Variants in CACNA2D3 observed in about 807,000 individuals in gnomAD.
The protein encoded by CACNA2D3 is voltage-dependent calcium channel subunit alpha-2/delta-3.
A neutral mutation model predicts 160.6 loss-of-function variants in CACNA2D3; 60 were observed. That is an observed-to-expected ratio of 0.37 (90% CI 0.30 to 0.46). The LOEUF is 0.46. Among genes scored for constraint, CACNA2D3 ranks in the 20% least tolerant of loss-of-function variants. The pLI is 1.00. For missense variants in CACNA2D3, 1,205 were observed against 1,365.0 expected (o/e 0.88, Z 1.85); for synonymous variants, 558 against 492.9 (o/e 1.13, Z -1.75).
intron 11 of CACNA2D3, among the ~76,000 whole-genome samples, chr3:54,697,483 TC>T (rs749789032): frequency 2.6e-5 from 4 of 152,138 alleles, no homozygotes; most frequent in Non-Finnish European, 4.4e-5. Flanking sequence ...TCCTACAGTT[TC>T]CAAGGACAAG....
intron 11 of CACNA2D3, among the ~76,000 whole-genome samples, chr3:54,693,174 A>G (rs1359584188): frequency 3.3e-5 from 5 of 152,238 alleles, no homozygotes; most frequent in Non-Finnish European, 7.3e-5. Flanking sequence ...CATCTCATAG[A>G]AAAATGGGCA....
At chr3:54,799,702 C>T (rs553741318) in intron 13 of CACNA2D3, among the ~76,000 whole-genome samples, 4 of 152,304 alleles carry the variant, frequency 2.6e-5, no homozygotes, top group South Asian at 2.1e-4. Flanking sequence ...GCTCCCATCT[C>T]CCCTGGTGAG....
rs899462998 is a variant in CACNA2D3, at chr3:55,004,912, CT to C, written c.2766+77del. The C allele has an allele frequency of 3.7e-5, 37 of 997,164 alleles. No homozygotes were observed. In the African/African-American group the frequency reaches 5.9e-4, roughly 16 times the overall value. 61.8% of individuals were successfully genotyped at this position (997,164 alleles called of 1,614,324 possible). A position where few individuals can be genotyped will look rare whatever the true frequency, so the allele number is the denominator to read the frequency against. On this transcript the variant is annotated intron_variant, in intron 32 of 37. Transcript: ENST00000474759. ...CTCCCTGTCTGAGTGTTATCTTCCT[CT>C]TTGGAGTAATCAAGTTTATCTTTTT... is the stretch of plus-strand genomic sequence containing the variant.
In CACNA2D3 at chr3:54,850,265, CG is replaced by C. The variant is rs908337480; in HGVS notation, c.1626+3804del. Among the ~76,000 whole-genome samples the C allele has an allele frequency of 2.4e-4, 36 of 151,986 alleles. 1 individual carries two copies. The highest frequency in any genetic ancestry group is 6.6e-4 in the Admixed American group (10 of 15,246). The stretch of plus-strand genomic sequence containing the variant: ...CTGATGAAGTAATCTTCAAAGGGGC[CG>C]GGGGGCTGCAGCACAAGTGGGGACA... On this transcript the variant is annotated intron_variant, in intron 17 of 37. Coordinates refer to ENST00000474759, the MANE Select transcript of CACNA2D3 (RefSeq NM_018398.3).
intron 4 of CACNA2D3, among the ~76,000 whole-genome samples, chr3:54,477,777 C>T (rs774534666): frequency 6.6e-6 from 1 of 152,178 alleles, no homozygotes; most frequent in Non-Finnish European, 1.5e-5. Context: ...TTTTGGACTT[C>T]ACATTTGACC....
At chr3:54,997,076 A>T (rs1438796802) in intron 31 of CACNA2D3, among the ~76,000 whole-genome samples, 1 of 152,148 alleles carries the variant, frequency 6.6e-6, no homozygotes, top group African/African-American at 2.4e-5. Flanking sequence ...AATGTAGATG[A>T]TGGGTTGATG....
chr3:54,793,119 G>C (rs1244485419), intron 13 of CACNA2D3, among the ~76,000 whole-genome samples: 2 of 152,212 alleles, frequency 1.3e-5, no homozygotes, highest in African/African-American at 4.8e-5. Context: ...GAAAAGGACT[G>C]GGGAGTGAGG....
intron 27 of CACNA2D3, among the ~76,000 whole-genome samples, chr3:54,942,740 T>C (rs527834533): frequency 6.6e-6 from 1 of 151,220 alleles, no homozygotes; most frequent in Non-Finnish European, 1.5e-5. Context: ...ATAAAAAAAA[T>C]TAGGCCAGGC....
chr3:54,642,127 GT>G lies in CACNA2D3; in HGVS notation c.1055del (p.Phe352SerfsTer17). Reference sequence around the variant, plus strand: ...TATTTTGAACTTATTTCTTTCCCTAGTTCAACCACACGGGACAAGGAAGTAT... The same window carrying G: ...TATTTTGAACTTATTTCTTTCCCTAGTCAACCACACGGGACAAGGAAGTAT... ...LNEAFNILSD[F>X]NHTGQGSICS... On this transcript the variant is annotated frameshift_variant and splice_region_variant, in exon 11 of 38. Transcript: ENST00000474759. LOFTEE classifies it high-confidence loss of function. 6.2e-7 allele frequency: 1 copy of G among 1,603,468 alleles called. No homozygotes were observed. The highest frequency in any genetic ancestry group is 8.5e-7 in the Non-Finnish European group (1 of 1,173,510).
chr3:54,652,141 G>A (rs1699777817), intron 11 of CACNA2D3, among the ~76,000 whole-genome samples: 1 of 150,284 alleles, frequency 6.7e-6, no homozygotes, highest in Non-Finnish European at 1.5e-5. Context: ...CCACCCCCTA[G>A]CCTCCACACG....
intron 11 of CACNA2D3, among the ~76,000 whole-genome samples, chr3:54,729,452 A>G (rs548729444): frequency 2.7e-5 from 1 of 37,198 alleles, no homozygotes; most frequent in East Asian, 2.9e-4. Flanking sequence ...TCTCCAATTA[A>G]TACTTTTAAA....
chr3:54,327,985 T>C (rs1204350412), intron 3 of CACNA2D3, among the ~76,000 whole-genome samples: 2 of 152,268 alleles, frequency 1.3e-5, no homozygotes, highest in Non-Finnish European at 2.9e-5. Flanking sequence ...TCTCTCTTAG[T>C]GAACATTGAT....
chr3:54,425,580 A>G (rs1382276326), intron 4 of CACNA2D3, among the ~76,000 whole-genome samples: 1 of 152,114 alleles, frequency 6.6e-6, no homozygotes, highest in Non-Finnish European at 1.5e-5. Flanking sequence ...CCTCAGCTCT[A>G]CCCCACCTGA....
chr3:54,354,809 A>G, intron 3 of CACNA2D3, among the ~76,000 whole-genome samples: 1 of 152,166 alleles, frequency 6.6e-6, no homozygotes, highest in East Asian at 1.9e-4. Flanking sequence ...TTACTGATAC[A>G]TATCTTTTGT....
intron 3 of CACNA2D3, among the ~76,000 whole-genome samples, chr3:54,349,954 A>G (rs965178439): frequency 3.9e-5 from 6 of 152,178 alleles, no homozygotes; most frequent in Admixed American, 6.5e-5. Context: ...CAGAGGGCCC[A>G]TTGGTTCAGA....
intron 2 of CACNA2D3, among the ~76,000 whole-genome samples, chr3:54,230,599 G>A (rs897032574): frequency 6.6e-6 from 1 of 152,202 alleles, no homozygotes; most frequent in Non-Finnish European, 1.5e-5. Context: ...GACTCTGTGG[G>A]AGACAGGTTG....
Position 54,122,724 on chromosome 3 carries a change from C to A in CACNA2D3, c.11C>A (p.Pro4Gln). The change falls in exon 1 of 38, where the codon CCG becomes CAG. Residue 4 changes from proline to glutamine, a missense_variant. Transcript: ENST00000474759. ...CGGAGGGAGCCCAGCATGGCCGGGC[C>A]GGGCTCGCCGCGCCGCGCGTCCCGG... MAG[P>Q]GSPRRASRGA... The A allele has an allele frequency of 8.3e-7, 1 of 1,201,444 alleles. No individual in the cohort carries two copies. The highest frequency in any genetic ancestry group is 4.5e-5 in the Admixed American group (1 of 22,458). 74.4% of individuals were successfully genotyped at this position (1,201,444 alleles called of 1,614,324 possible).
At position 54,922,608 on chromosome 3, in the gene CACNA2D3, C is replaced by T. The variant is rs570496849; in HGVS notation, c.2449+22740C>T. On this transcript the variant is annotated intron_variant, in intron 27 of 37. Coordinates refer to ENST00000474759, the MANE Select transcript of CACNA2D3 (RefSeq NM_018398.3). ...ACGTTTTAACCCATGTTGTATTCAC[C>T]CTAACCTCATTCCCGCTGAGAACCG... Among the ~76,000 whole-genome samples the T allele has an allele frequency of 5.9e-5, 9 of 152,134 alleles. No individual in the cohort carries two copies. In the South Asian group the frequency reaches 1.5e-3, roughly 25 times the overall value.
chr3:54,693,968 T>G (rs1700614076), intron 11 of CACNA2D3, among the ~76,000 whole-genome samples: 1 of 152,192 alleles, frequency 6.6e-6, no homozygotes, highest in South Asian at 2.1e-4. Flanking sequence ...ATATTTATTA[T>G]TGAAGAAATA....
Sources: allele counts gnomAD v4.1 joint callset (sites outside exome capture counted in the v4.1 genomes callset), GRCh38; gene constraint gnomAD v4.1.1; transcripts MANE v1.5; gene names NCBI Gene and HGNC (gene_info 2026-07-23, HGNC 2026-07-21).